RANBP2: variants seen among roughly 807,000 people sequenced by gnomAD.
RANBP2 encodes E3 SUMO-protein ligase RanBP2.
RANBP2 carries 57 observed loss-of-function variants against 303.6 expected under a neutral mutation model. The observed-to-expected ratio is 0.19, with a 90% confidence interval of 0.15 to 0.23. The LOEUF is 0.23. RANBP2 is among the 10% of genes least tolerant of loss of function. RANBP2 has a pLI of 1.00. For missense variants in RANBP2, 3,138 were observed against 3,780.8 expected, an observed-to-expected ratio of 0.83 and a Z score of 4.46; for synonymous variants, 1,167 against 1,301.5, an observed-to-expected ratio of 0.90 and a Z score of 2.23.
the RANBP2 span, chr2:108,906,384 G>A: frequency 1.3e-4 from 212 of 1,613,880 alleles, no homozygotes; most frequent in Non-Finnish European, 1.7e-4. Flanking sequence ...AAAAAGAGTC[G>A]AGAATTTTCA....
chr2:109,530,279 G>T, the RANBP2 span, among the ~76,000 whole-genome samples: 4 of 152,156 alleles, frequency 2.6e-5, no homozygotes, highest in African/African-American at 9.7e-5. Context: ...GCGGCATGTG[G>T]TCAGGCAGTC....
At chr2:109,047,241 G>A in the RANBP2 span, among the ~76,000 whole-genome samples, 1 of 152,184 alleles carries the variant, frequency 6.6e-6, no homozygotes, top group Non-Finnish European at 1.5e-5. Context: ...TCTTGGCAGA[G>A]GTCCTAGTCC....
At chr2:109,219,363 C>T in the RANBP2 span, among the ~76,000 whole-genome samples, 2 of 152,018 alleles carry the variant, frequency 1.3e-5, no homozygotes, top group African/African-American at 4.8e-5. Context: ...AAATTTTCAC[C>T]ATCACTTAAT....
At chr2:109,105,845 G>A in the RANBP2 span, among the ~76,000 whole-genome samples, 194 of 144,056 alleles carry the variant, frequency 1.3e-3, 1 homozygote, top group African/African-American at 4.1e-3. Context: ...GTGAGCCACC[G>A]CGCCTGGTCT....
the RANBP2 span, among the ~76,000 whole-genome samples, chr2:109,337,422 C>T: frequency 6.6e-6 from 1 of 152,236 alleles, no homozygotes; most frequent in Admixed American, 6.5e-5. Context: ...TCCTTAGCGC[C>T]TTGCACTGTG....
At chr2:109,386,454 C>T in the RANBP2 span, among the ~76,000 whole-genome samples, 2 of 151,926 alleles carry the variant, frequency 1.3e-5, no homozygotes, top group Admixed American at 1.3e-4. Flanking sequence ...GCTTGTGTGG[C>T]AAGTGCAGTT....
chr2:109,140,478 T>G, the RANBP2 span, among the ~76,000 whole-genome samples: 1 of 152,102 alleles, frequency 6.6e-6, no homozygotes, highest in South Asian at 2.1e-4. Flanking sequence ...CCTCCCAGGT[T>G]CACACCATTC....
At chr2:109,143,864 A>G in the RANBP2 span, among the ~76,000 whole-genome samples, 1 of 152,312 alleles carries the variant, frequency 6.6e-6, no homozygotes, top group Admixed American at 6.5e-5. Context: ...ATATTATTCA[A>G]TCTTAAAAAA....
At chr2:109,311,337 G>A in the RANBP2 span, among the ~76,000 whole-genome samples, 10 of 105,076 alleles carry the variant, frequency 9.5e-5, no homozygotes, top group East Asian at 2.4e-3. Flanking sequence ...TTGATGGGAC[G>A]TATTTCAAAA....
At chr2:109,314,646 T>G in the RANBP2 span, among the ~76,000 whole-genome samples, 2 of 152,266 alleles carry the variant, frequency 1.3e-5, no homozygotes, top group Non-Finnish European at 2.9e-5. Flanking sequence ...TTGTATAAAC[T>G]TGTAAATTAA....
At chr2:108,745,009 C>T (rs1299159033) in intron 7 of RANBP2, among the ~76,000 whole-genome samples, 1 of 151,808 alleles carries the variant, frequency 6.6e-6, no homozygotes, top group South Asian at 2.1e-4. Context: ...ATATAAAGGG[C>T]ATTCTCATTA....
the RANBP2 span, among the ~76,000 whole-genome samples, chr2:108,922,068 C>T: frequency 1.3e-5 from 2 of 152,234 alleles, no homozygotes; most frequent in African/African-American, 2.4e-5. Flanking sequence ...CTTAGAGAGG[C>T]GCCCCTGCCG....
chr2:109,730,064 G>A, the RANBP2 span, among the ~76,000 whole-genome samples: 1 of 152,102 alleles, frequency 6.6e-6, no homozygotes, highest in African/African-American at 2.4e-5. Context: ...CCCTCAACAC[G>A]TGGGGATTAC....
the RANBP2 span, among the ~76,000 whole-genome samples, chr2:109,265,540 C>T: frequency 6.6e-6 from 1 of 152,186 alleles, no homozygotes; most frequent in Non-Finnish European, 1.5e-5. Context: ...AGGCTGGGGT[C>T]CCTGCAAGCC....
the RANBP2 span, among the ~76,000 whole-genome samples, chr2:109,482,901 A>C: frequency 2.6e-5 from 4 of 152,090 alleles, no homozygotes; most frequent in Admixed American, 2.0e-4. Flanking sequence ...TCATGAACCA[A>C]TTTTCTTTAT....
At chr2:109,105,020 C>A in the RANBP2 span, among the ~76,000 whole-genome samples, 2 of 152,128 alleles carry the variant, frequency 1.3e-5, no homozygotes, top group Non-Finnish European at 2.9e-5. Context: ...GAGGGTCCCC[C>A]CAACCCTGCC....
the RANBP2 span, among the ~76,000 whole-genome samples, chr2:108,852,291 T>G: frequency 1.3e-5 from 2 of 152,238 alleles, no homozygotes; most frequent in Non-Finnish European, 2.9e-5. Context: ...GGAACACTTG[T>G]ACACTGTTTG....
At chr2:108,945,110 G>T in the RANBP2 span, among the ~76,000 whole-genome samples, 4 of 152,138 alleles carry the variant, frequency 2.6e-5, no homozygotes, top group Non-Finnish European at 5.9e-5. Context: ...GTATGTGGGC[G>T]CTGCCTGTCC....
the RANBP2 span, among the ~76,000 whole-genome samples, chr2:109,426,781 A>G: frequency 1.5e-3 from 227 of 152,294 alleles, 1 homozygote; most frequent in African/African-American, 5.4e-3. Context: ...CATGAAAGAA[A>G]GAGTCAATGT....
Sources: gnomAD v4.1 joint callset for allele counts (sites outside exome capture counted in the v4.1 genomes callset) on GRCh38, gnomAD v4.1.1 for gene constraint, MANE v1.5 for transcripts, NCBI Gene and HGNC (gene_info 2026-07-23, HGNC 2026-07-21) for gene names.